Variants in CMTM6 observed in about 807,000 individuals in gnomAD.
The protein encoded by CMTM6 is CKLF like MARVEL transmembrane domain containing 6, also known as CKLF-like MARVEL transmembrane domain-containing protein 6.
In CMTM6, 5 loss-of-function variants were observed where a neutral mutation model predicts 13.6. That is an observed-to-expected ratio of 0.37 (90% CI 0.19 to 0.77). CMTM6 has a LOEUF of 0.77. CMTM6 is among the 30% of genes least tolerant of loss of function. CMTM6 has a pLI of 0.50. For missense variants in CMTM6, 196 were observed against 218.6 expected (o/e 0.90, Z 0.65); for synonymous variants, 99 against 84.5 (o/e 1.17, Z -0.94).
chr3:32,499,066 A>G (rs1008871701), intron 1 of CMTM6, among the ~76,000 whole-genome samples: 2 of 152,224 alleles, frequency 1.3e-5, no homozygotes, highest in African/African-American at 4.8e-5. Flanking sequence ...CTTTACTATT[A>G]AAAACTTTGT....
chr3:32,490,158 A>G (rs1251810197), intron 2 of CMTM6, among the ~76,000 whole-genome samples: 1 of 151,940 alleles, frequency 6.6e-6, no homozygotes, highest in Admixed American at 6.6e-5. Context: ...AAGCAGGAGA[A>G]TCGTTTGAAC....
At chr3:32,491,669 A>G in intron 2 of CMTM6, 41 bp downstream of exon 2, 1 of 1,484,666 alleles carries the variant, frequency 6.7e-7, no homozygotes, top group Non-Finnish European at 9.1e-7. Flanking sequence ...CCAGATTACA[A>G]AACAGCTATT....
In CMTM6 at chr3:32,483,846, G is replaced by C. The variant is rs2125654993; in HGVS notation, c.*114C>G. On this transcript the variant is annotated 3_prime_UTR_variant, in exon 4 of 4. Transcript: ENST00000205636. ...AAACTGCCTTCTTGACCTTCCCCTTGCTCTCCAAAAGAAGTGGTTTAAACA... is the reference window on the plus strand; with the variant it reads ...AAACTGCCTTCTTGACCTTCCCCTTCCTCTCCAAAAGAAGTGGTTTAAACA... 9.3e-7 allele frequency: 1 copy of C among 1,077,724 alleles called. No homozygotes were observed. Among genetic ancestry groups the C allele is most frequent in the East Asian group, 2.8e-5 (1 of 35,354 alleles). 66.8% of individuals were successfully genotyped at this position (1,077,724 alleles called of 1,614,324 possible).
Position 32,484,678 on chromosome 3 carries a change from T to C in CMTM6, c.415-581A>G, listed in dbSNP as rs187977784. Reference sequence around the variant, plus strand: ...ACTGTTCTCTTCTAAAATACGATCATACGTTCTGAGAATTCTATCAAGAGA... The same window carrying C: ...ACTGTTCTCTTCTAAAATACGATCACACGTTCTGAGAATTCTATCAAGAGA... On this transcript the variant is annotated intron_variant, in intron 3 of 3. Transcript: ENST00000205636. Among the ~76,000 whole-genome samples the C allele has an allele frequency of 4.0e-3, 611 of 152,254 alleles. 6 individuals carry two copies. Among genetic ancestry groups the C allele is most frequent in the African/African-American group, 0.014 (585 of 41,548 alleles).
chr3:32,491,810 T>C lies in CMTM6; in HGVS notation c.215A>G (p.Glu72Gly). Residue 72 changes from glutamate to glycine, a missense_variant, in exon 2 of 4, where the codon GAG becomes GGG. Glu to Gly is a moderately conservative substitution (Grantham distance 98, BLOSUM62 -2). This residue lies in a region of CMTM6 where 111 missense variants were observed against 160.0 expected (regional missense o/e 0.69). Transcript: ENST00000205636. Reference sequence around the variant, plus strand: ...AAGAAAGGCACTGCAGCTTACAAACTCAAAAAAATAAAGTCCTCCACATAA... The same window carrying C: ...AAGAAAGGCACTGCAGCTTACAAACCCAAAAAAATAAAGTCCTCCACATAA... ...CTLCGGLYFFEFVSCSAFLLS... is the reference protein window; with the variant it reads ...CTLCGGLYFFGFVSCSAFLLS... 1.2e-6 allele frequency: 2 copies of C among 1,613,632 alleles called. No individual in the cohort carries two copies. Among genetic ancestry groups the C allele is most frequent in the Non-Finnish European group, 1.7e-6 (2 of 1,179,828 alleles).
intron 3 of CMTM6, among the ~76,000 whole-genome samples, chr3:32,487,161 G>C (rs1346175624): frequency 6.6e-6 from 1 of 152,136 alleles, no homozygotes; most frequent in South Asian, 2.1e-4. Context: ...AAAAGTGCCG[G>C]TGAGACTCCT....
intron 1 of CMTM6, among the ~76,000 whole-genome samples, chr3:32,499,951 T>C (rs1697330773): frequency 1.3e-5 from 2 of 151,674 alleles, no homozygotes; most frequent in Admixed American, 1.3e-4. Context: ...GGTAATTCAA[T>C]TCAACCTCCG....
chr3:32,501,033 CAAAA>C (rs36111581), intron 1 of CMTM6, among the ~76,000 whole-genome samples: 1 of 124,984 alleles, frequency 8.0e-6, no homozygotes, highest in South Asian at 2.6e-4. Flanking sequence ...CCGTCTCTAC[CAAAA>C]AAAAAAAAAA....
chr3:32,493,396 A>G (rs1002229827), intron 1 of CMTM6, among the ~76,000 whole-genome samples: 1 of 152,224 alleles, frequency 6.6e-6, no homozygotes, highest in Non-Finnish European at 1.5e-5. Flanking sequence ...ACTGGTCCTC[A>G]CTGAAAAAAG....
At chr3:32,488,092 G>T in intron 2 of CMTM6, 56 bp from the exon 3 acceptor site, 1 of 1,241,292 alleles carries the variant, frequency 8.1e-7, no homozygotes, top group Non-Finnish European at 1.1e-6. Flanking sequence ...TCATGGAAAT[G>T]AACTTTTTCA....
chr3:32,495,328 A>G lies in CMTM6; in HGVS notation c.139-3442T>C, dbSNP rs1697281379. Among the ~76,000 whole-genome samples the G allele has an allele frequency of 3.9e-5, 6 of 152,234 alleles. No individual in the cohort carries two copies. In the South Asian group the frequency reaches 1.2e-3, roughly 32 times the overall value. ...TCCCAATCATTACACCACAGGATAT[A>G]AAGTGACAACACCAAGATAAATCCC... is the stretch of plus-strand genomic sequence containing the variant. On this transcript the variant is annotated intron_variant, in intron 1 of 3. Transcript: ENST00000205636.
At chr3:32,499,409 T>A (rs190923890) in intron 1 of CMTM6, among the ~76,000 whole-genome samples, 1 of 152,302 alleles carries the variant, frequency 6.6e-6, no homozygotes, top group African/African-American at 2.4e-5. Context: ...TCCAGTACTG[T>A]GCAGCTATCA....
intron 1 of CMTM6, among the ~76,000 whole-genome samples, chr3:32,495,756 G>C (rs979522291): frequency 4.6e-5 from 7 of 152,178 alleles, no homozygotes; most frequent in Admixed American, 2.0e-4. Flanking sequence ...GAAGCAGTCA[G>C]TCTCAAGTCA....
In CMTM6 at chr3:32,484,002, A is replaced by G; in HGVS notation, c.510T>C (p.Asn170=). Residue 170 remains asparagine, a synonymous_variant, in exon 4 of 4, where the codon AAT becomes AAC. Transcript: ENST00000205636. The part of the protein sequence containing the change: ...RQESQLRKPE[N]TTRAEALTEP... ...CAGTGAGGGCTTCAGCCCTAGTGGT[A>G]TTTTCAGGTTTTCTCAGCTGGGACT... is the stretch of plus-strand genomic sequence containing the variant. The G allele has an allele frequency of 6.2e-7, 1 of 1,611,900 alleles. No individual in the cohort carries two copies. The highest frequency in any genetic ancestry group is 8.5e-7 in the Non-Finnish European group (1 of 1,179,422).
At position 32,481,585 on chromosome 3, in the gene CMTM6, TTTTAAA is replaced by T. The variant is rs1452463197; in HGVS notation, c.*2369_*2374del. 6.6e-6 allele frequency: 1 copy of T among 152,192 alleles called. No homozygotes were observed. The highest frequency in any genetic ancestry group is 6.5e-5 in the Admixed American group (1 of 15,284). The allele number at this position is 152,192 out of a possible 1,614,324, so 9.4% of individuals were successfully genotyped here. ...ATCATAACTGTTAATTTAAAAATTA[TTTTAAA>T]TTTGAGTTTATTGAATTTGCCATTT... On this transcript the variant is annotated 3_prime_UTR_variant, in exon 4 of 4. Transcript: ENST00000205636.
chr3:32,485,751 T>C (rs1697197668), intron 3 of CMTM6, among the ~76,000 whole-genome samples: 1 of 152,256 alleles, frequency 6.6e-6, no homozygotes, highest in Non-Finnish European at 1.5e-5. Flanking sequence ...ATGTAAGTGC[T>C]AAGAAACTGT....
chr3:32,492,505 G>A (rs1490008985), intron 1 of CMTM6, among the ~76,000 whole-genome samples: 9 of 152,188 alleles, frequency 5.9e-5, no homozygotes, highest in Non-Finnish European at 2.9e-5. Context: ...TAAAGTAAAG[G>A]TTGACAATGA....
rs546050023 is a variant in CMTM6 at position 32,481,533 on chromosome 3, A to G, written c.*2427T>C. The G allele has an allele frequency of 1.6e-4, 25 of 152,288 alleles. No individual in the cohort carries two copies. The highest frequency in any genetic ancestry group is 4.6e-4 in the Admixed American group (7 of 15,304). 9.4% of individuals were successfully genotyped at this position (152,288 alleles called of 1,614,324 possible). A position where few individuals can be genotyped will look rare whatever the true frequency, so the allele number is the denominator to read the frequency against. On this transcript the variant is annotated 3_prime_UTR_variant, in exon 4 of 4. Coordinates refer to ENST00000205636, the MANE Select transcript of CMTM6 (RefSeq NM_017801.3). ...ATAATTCTTGAGAACCATTCTAAGC[A>G]ATCTATTTGTATAAAATATAAAATT... is the stretch of plus-strand genomic sequence containing the variant.
rs57756698 is a variant in CMTM6, at chr3:32,499,785, T to C, written c.138+2823A>G. 2.6e-4 allele frequency among the ~76,000 whole-genome samples: 39 copies of C among 151,992 alleles called. 1 individual carries two copies. The East Asian group carries it at 4.1e-3, about 16-fold the overall frequency. On this transcript the variant is annotated intron_variant, in intron 1 of 3. Coordinates refer to ENST00000205636, the MANE Select transcript of CMTM6 (RefSeq NM_017801.3). ...ACACAGCTATGTTAACTTCAAGAGA[T>C]AGAGAAGTTACGTTCTTTTATCTCT... is the stretch of plus-strand genomic sequence containing the variant.
Sources: gnomAD v4.1 joint callset for allele counts (sites outside exome capture counted in the v4.1 genomes callset) on GRCh38, gnomAD v4.1.1 for gene constraint, gnomAD v4.1.1 regional missense constraint, MANE v1.5 for transcripts, NCBI Gene and HGNC (gene_info 2026-07-23, HGNC 2026-07-21) for gene names.